Variants in PARD3 observed in about 807,000 individuals in gnomAD.
PARD3 encodes partitioning defective 3 homolog.
In PARD3, 75 loss-of-function variants were observed where a neutral mutation model predicts 155.4. That is an observed-to-expected ratio of 0.48 (90% CI 0.40 to 0.58). The LOEUF (loss-of-function observed/expected upper bound fraction) is 0.58. Among genes scored for constraint, PARD3 ranks in the 20% least tolerant of loss-of-function variants. The pLI is 0.00. For synonymous variants in PARD3, 576 were observed against 610.5 expected, an observed-to-expected ratio of 0.94 and a Z score of 0.83; for missense variants, 1,642 against 1,721.7, an observed-to-expected ratio of 0.95 and a Z score of 0.82.
At chr10:34,501,671 C>T (rs2080717506) in intron 3 of PARD3, among the ~76,000 whole-genome samples, 1 of 152,032 alleles carries the variant, frequency 6.6e-6, no homozygotes, top group African/African-American at 2.4e-5. Context: ...TTTCACACTA[C>T]CGTAAATATT....
rs1321661427 is a variant in PARD3, at chr10:34,338,390, G to GT, written c.2409-965dup. Among the ~76,000 whole-genome samples, 14 of 152,304 alleles carry GT rather than the reference G, an allele frequency of 9.2e-5. 1 individual carries two copies. In the East Asian group the frequency reaches 2.7e-3, roughly 29 times the overall value. ...AGCCACAGTTCATAATATGAAAAGGGTTTTCTCTGTGCTGGGCACATTGGG... is the reference window on the plus strand; with the variant it reads ...AGCCACAGTTCATAATATGAAAAGGGTTTTTCTCTGTGCTGGGCACATTGGG... On this transcript the variant is annotated intron_variant, in intron 16 of 24. Coordinates refer to ENST00000374788, the MANE Select transcript of PARD3 (RefSeq NM_001184785.2).
At chr10:34,553,909 G>A (rs10508807) in intron 2 of PARD3, among the ~76,000 whole-genome samples, 10,382 of 152,178 alleles carry the variant, frequency 0.068, 390 homozygotes, top group Middle Eastern at 0.092. Context: ...TACTACAACC[G>A]CCTACTGCTG....
chr10:34,180,890 C>T (rs1950238919), intron 22 of PARD3, among the ~76,000 whole-genome samples: 1 of 151,950 alleles, frequency 6.6e-6, no homozygotes, highest in African/African-American at 2.4e-5. Context: ...GAACTGCAAA[C>T]AGAAGACACA....
Position 34,734,203 on chromosome 10 carries a change from T to A in PARD3, c.121-37784A>T, listed in dbSNP as rs373216176. Among the ~76,000 whole-genome samples the A allele has an allele frequency of 1.9e-4, 29 of 151,822 alleles. 1 individual carries two copies. The highest frequency in any genetic ancestry group is 7.0e-4 in the African/African-American group (29 of 41,436). On this transcript the variant is annotated intron_variant, in intron 1 of 24. Transcript: ENST00000374788. ...TATCAGTTACTCAACTACTAAAAAGTAAATTCATTATATCAACAAAGCACT... is the reference window on the plus strand; with the variant it reads ...TATCAGTTACTCAACTACTAAAAAGAAAATTCATTATATCAACAAAGCACT...
At chr10:34,563,132 A>G (rs1211343492) in intron 2 of PARD3, among the ~76,000 whole-genome samples, 3 of 152,190 alleles carry the variant, frequency 2.0e-5, no homozygotes, top group Non-Finnish European at 2.9e-5. Flanking sequence ...AGTTAACTCT[A>G]TACTAACCAT....
chr10:34,380,169 A>ATAATCAGCATTCTTCCCC (rs1841682997), intron 9 of PARD3, among the ~76,000 whole-genome samples: 1 of 152,164 alleles, frequency 6.6e-6, no homozygotes, highest in African/African-American at 2.4e-5. Flanking sequence ...CTAATCAAAG[A>ATAATCAGCATTCTTCCCC]TAATCAGCAT....
intron 5 of PARD3, among the ~76,000 whole-genome samples, chr10:34,412,516 A>G (rs1845193942): frequency 6.6e-6 from 1 of 152,206 alleles, no homozygotes; most frequent in African/African-American, 2.4e-5. Flanking sequence ...CTTACCAGAA[A>G]TGGTCTTGAG....
At chr10:34,449,553 T>G (rs2076944139) in intron 5 of PARD3, among the ~76,000 whole-genome samples, 1 of 149,056 alleles carries the variant, frequency 6.7e-6, no homozygotes, top group African/African-American at 2.6e-5. Flanking sequence ...TATACATATG[T>G]AACAAATCTG....
At chr10:34,375,286 C>T (rs1841114240) in intron 10 of PARD3, among the ~76,000 whole-genome samples, 1 of 152,102 alleles carries the variant, frequency 6.6e-6, no homozygotes, top group Non-Finnish European at 1.5e-5. Context: ...TGACAAGTAC[C>T]AAGCAATAAA....
chr10:34,251,528 A>G (rs891415183), intron 22 of PARD3, among the ~76,000 whole-genome samples: 4 of 152,332 alleles, frequency 2.6e-5, no homozygotes, highest in Middle Eastern at 3.4e-3. Flanking sequence ...AGAAGGTTAA[A>G]TGGCAGAGCT....
At chr10:34,684,844 CACAT>C (rs1374639211) in intron 2 of PARD3, among the ~76,000 whole-genome samples, 8 of 136,756 alleles carry the variant, frequency 5.8e-5, no homozygotes, top group Non-Finnish European at 1.1e-4. Flanking sequence ...TATACACACA[CACAT>C]ATATATACAT....
At chr10:34,450,973 A>T (rs1406275450) in intron 4 of PARD3, among the ~76,000 whole-genome samples, 1 of 152,176 alleles carries the variant, frequency 6.6e-6, no homozygotes, top group Non-Finnish European at 1.5e-5. Flanking sequence ...TCTATTACCT[A>T]CTTCACAAGA....
intron 1 of PARD3, among the ~76,000 whole-genome samples, chr10:34,778,112 G>A (rs576520755): frequency 3.3e-5 from 5 of 152,268 alleles, no homozygotes; most frequent in East Asian, 1.9e-4. Context: ...ATGAAATGGC[G>A]CAGCATTTGC....
intron 2 of PARD3, among the ~76,000 whole-genome samples, chr10:34,609,083 T>G (rs1175072038): frequency 6.6e-6 from 1 of 152,154 alleles, no homozygotes; most frequent in Non-Finnish European, 1.5e-5. Flanking sequence ...AATCCTAAGA[T>G]TCCAGGAATG....
At chr10:34,717,279 C>T (rs2094535719) in intron 1 of PARD3, among the ~76,000 whole-genome samples, 1 of 152,104 alleles carries the variant, frequency 6.6e-6, no homozygotes, top group Non-Finnish European at 1.5e-5. Flanking sequence ...GTTGGATGGT[C>T]TCTGGGGTTC....
chr10:34,543,742 T>C (rs2083825791), intron 2 of PARD3, among the ~76,000 whole-genome samples: 2 of 152,220 alleles, frequency 1.3e-5, no homozygotes, highest in Non-Finnish European at 2.9e-5. Flanking sequence ...AGTGGGTATG[T>C]GCACTGTCAC....
intron 19 of PARD3, among the ~76,000 whole-genome samples, chr10:34,325,281 A>G (rs143366448): frequency 0.011 from 1,664 of 152,240 alleles, 36 homozygotes; most frequent in African/African-American, 0.038. Context: ...AAGTGCTGGG[A>G]TGACAGGCAC....
chr10:34,546,421 G>A (rs903829353), intron 2 of PARD3, among the ~76,000 whole-genome samples: 1 of 151,926 alleles, frequency 6.6e-6, no homozygotes, highest in African/African-American at 2.4e-5. Flanking sequence ...GGAGGCTGAG[G>A]TAGGAGAATC....
At chr10:34,229,732 A>G (rs1952818749) in intron 22 of PARD3, among the ~76,000 whole-genome samples, 1 of 151,868 alleles carries the variant, frequency 6.6e-6, no homozygotes, top group Admixed American at 6.6e-5. Flanking sequence ...GTTCTGCCTC[A>G]TATTTCTTAT....
Sources: allele counts gnomAD v4.1 joint callset (sites outside exome capture counted in the v4.1 genomes callset), GRCh38; gene constraint gnomAD v4.1.1; transcripts MANE v1.5; gene names NCBI Gene and HGNC (gene_info 2026-07-23, HGNC 2026-07-21).